Variants in C2CD5 observed in about 807,000 individuals in gnomAD.
The protein encoded by C2CD5 is C2 domain-containing protein 5.
Under a neutral mutation model 130.3 loss-of-function variants are expected in C2CD5, and 109 were observed. The observed-to-expected ratio is 0.84, with a 90% confidence interval of 0.72 to 0.98. C2CD5 has a LOEUF of 0.98. Ranked by LOEUF, C2CD5 falls within the 50% of genes least tolerant of loss-of-function variation. The pLI is 0.00. For synonymous variants in C2CD5, 454 were observed against 429.2 expected (o/e 1.06, Z -0.71); for missense variants, 996 against 1,261.8 (o/e 0.79, Z 3.19).
chr12:22,536,367 A>C (rs1951816797), intron 2 of C2CD5, among the ~76,000 whole-genome samples: 1 of 152,330 alleles, frequency 6.6e-6, no homozygotes, highest in East Asian at 1.9e-4. Context: ...AAATTCAAAA[A>C]CATCAAAAAT....
At position 22,484,592 on chromosome 12, in the gene C2CD5, G is replaced by A. The variant is rs1056005951; in HGVS notation, c.1550+105C>T. ...CCAGCAGAATTGTCCAGTTTGTGCA[G>A]GATCAAACAGGTAGGAAACAGTAAA... On this transcript the variant is annotated intron_variant, in intron 13 of 26. Transcript: ENST00000446597. The A allele has an allele frequency of 3.6e-5, 19 of 526,676 alleles. No homozygotes were observed. The African/African-American group carries it at 3.7e-4, about 10-fold the overall frequency. The allele number at this position is 526,676 out of a possible 1,614,324, so 32.6% of individuals were successfully genotyped here.
At chr12:22,453,076 A>AAT (rs1939042450) in intron 26 of C2CD5, among the ~76,000 whole-genome samples, 1 of 152,192 alleles carries the variant, frequency 6.6e-6, no homozygotes, top group Non-Finnish European at 1.5e-5. Context: ...AGGGGCAAAA[A>AAT]ATATATATAC....
rs973028773 is a variant in C2CD5, at chr12:22,453,940, T to C, written c.2980A>G (p.Ile994Val). ...TCCATGAAGACACACTGCTTCATTA[T>C]GTAGGAGACAACAGCATTCCCTCCT... ...ALGGNAVVSYIMKQCVFMENP... is the reference protein window; with the variant it reads ...ALGGNAVVSYVMKQCVFMENP... Residue 994 changes from isoleucine (I) to valine (V), a missense_variant, in exon 26 of 27, where the codon ATA becomes GTA. Transcript: ENST00000446597. The C allele has an allele frequency of 1.9e-6, 3 of 1,613,526 alleles. No homozygotes were observed. The highest frequency in any genetic ancestry group is 2.5e-6 in the Non-Finnish European group (3 of 1,179,530).
chr12:22,473,972 A>T (rs545265591), intron 16 of C2CD5, among the ~76,000 whole-genome samples: 4 of 152,088 alleles, frequency 2.6e-5, no homozygotes, highest in African/African-American at 9.6e-5. Context: ...TGACACTCTC[A>T]CCTTGGTTAG....
chr12:22,466,561 C>CT (rs1555176855), intron 22 of C2CD5, among the ~76,000 whole-genome samples: 2 of 152,078 alleles, frequency 1.3e-5, no homozygotes, highest in African/African-American at 2.4e-5. Flanking sequence ...TTTTAAGACT[C>CT]TATTATATTT....
chr12:22,542,924 G>C (rs572767930), intron 2 of C2CD5, among the ~76,000 whole-genome samples: 21 of 152,216 alleles, frequency 1.4e-4, no homozygotes, highest in Non-Finnish European at 2.2e-4. Flanking sequence ...AATAGGCTGT[G>C]TGGGTCAATG....
chr12:22,538,688 A>G (rs1592049090), intron 2 of C2CD5, among the ~76,000 whole-genome samples: 1 of 152,198 alleles, frequency 6.6e-6, no homozygotes, highest in Non-Finnish European at 1.5e-5. Context: ...CTTCCTTTCA[A>G]TCACATATGA....
At chr12:22,517,907 G>A (rs1949903942) in intron 8 of C2CD5, 79 bp downstream of exon 8, 1 of 1,228,594 alleles carries the variant, frequency 8.1e-7, no homozygotes, top group Non-Finnish European at 1.1e-6. Flanking sequence ...CAAGAGGAAA[G>A]ATTTGGATGG....
intron 22 of C2CD5, among the ~76,000 whole-genome samples, chr12:22,468,912 T>C (rs1942542424): frequency 6.6e-6 from 1 of 152,212 alleles, no homozygotes. Context: ...TAATATCCAT[T>C]GTATTATAAG....
At chr12:22,456,923 T>C in intron 25 of C2CD5, 48 bp downstream of exon 25, 1 of 1,227,762 alleles carries the variant, frequency 8.1e-7, no homozygotes, top group African/African-American at 1.6e-5. Context: ...TGTTACTAAA[T>C]CTTCAGAGAA....
chr12:22,533,823 A>C lies in C2CD5; in HGVS notation c.177+1435T>G, dbSNP rs1951547934. ...CTATGTGGACTACCAATCAATGGTA[A>C]AAGAACAGTCTCTTCAACAAATGTG... On this transcript the variant is annotated intron_variant, in intron 3 of 26. Coordinates refer to ENST00000446597, the MANE Select transcript of C2CD5 (RefSeq NM_001286176.2). Among the ~76,000 whole-genome samples, 3 of 152,236 alleles carry C rather than the reference A, an allele frequency of 2.0e-5. No homozygotes were observed. The South Asian group carries it at 6.2e-4, about 32-fold the overall frequency.
chr12:22,474,100 A>T (rs529223942), intron 16 of C2CD5, among the ~76,000 whole-genome samples: 233 of 152,270 alleles, frequency 1.5e-3, no homozygotes, highest in African/African-American at 5.3e-3. Flanking sequence ...CCAAGATCAA[A>T]GCATCTGATT....
intron 22 of C2CD5, among the ~76,000 whole-genome samples, chr12:22,463,085 A>G (rs1050383825): frequency 6.6e-6 from 1 of 151,260 alleles, no homozygotes; most frequent in Non-Finnish European, 1.5e-5. Context: ...CCCTGTCTCA[A>G]AGAGAGAGAG....
chr12:22,540,493 G>A (rs920832605), intron 2 of C2CD5, among the ~76,000 whole-genome samples: 6 of 151,940 alleles, frequency 3.9e-5, no homozygotes, highest in African/African-American at 1.5e-4. Flanking sequence ...ACATACAAAG[G>A]CTGAATTCAT....
chr12:22,516,794 C>T (rs985086320), intron 8 of C2CD5, among the ~76,000 whole-genome samples: 2 of 151,606 alleles, frequency 1.3e-5, no homozygotes, highest in East Asian at 1.9e-4. Flanking sequence ...AGGCCAGAGC[C>T]TCTTACTCTT....
intron 2 of C2CD5, among the ~76,000 whole-genome samples, chr12:22,539,080 C>A (rs1482441079): frequency 6.6e-6 from 1 of 152,004 alleles, no homozygotes; most frequent in African/African-American, 2.4e-5. Flanking sequence ...TATTTTTCCT[C>A]CCCCCTTCAT....
chr12:22,470,112 G>C (rs1290889080), intron 21 of C2CD5, among the ~76,000 whole-genome samples: 1 of 152,084 alleles, frequency 6.6e-6, no homozygotes, highest in Admixed American at 6.6e-5. Context: ...ACTAGCTTTT[G>C]TGATACTTAA....
chr12:22,504,857 C>T (rs985470329), intron 10 of C2CD5, among the ~76,000 whole-genome samples: 1 of 152,024 alleles, frequency 6.6e-6, no homozygotes, highest in Non-Finnish European at 1.5e-5. Context: ...TTCAAGATCC[C>T]AATACATTAA....
chr12:22,533,071 T>C (rs1199995402), intron 3 of C2CD5, among the ~76,000 whole-genome samples: 1 of 151,950 alleles, frequency 6.6e-6, no homozygotes, highest in East Asian at 1.9e-4. Flanking sequence ...TTCTGGGCGT[T>C]GAGGACATAG....
Sources: allele counts gnomAD v4.1 joint callset (sites outside exome capture counted in the v4.1 genomes callset), GRCh38; gene constraint gnomAD v4.1.1; transcripts MANE v1.5; gene names NCBI Gene and HGNC (gene_info 2026-07-23, HGNC 2026-07-21).